The following SH3KBP1 variants were observed in gnomAD, a reference collection of about 807,000 sequenced individuals.
SH3KBP1 encodes SH3 domain-containing kinase-binding protein 1.
In SH3KBP1, 8 loss-of-function variants were observed where a neutral mutation model predicts 50.1. The ratio of observed to expected loss-of-function variants is 0.16; its 90% CI spans 0.09 to 0.29. The LOEUF (loss-of-function observed/expected upper bound fraction) is 0.29, where lower values mean the gene tolerates loss of function less well. SH3KBP1 is among the 10% of genes least tolerant of loss of function. The probability of loss-of-function intolerance (pLI) is 1.00; values close to 1 mark genes in which losing one functional copy is unlikely to be tolerated. For missense variants in SH3KBP1, 377 were observed against 535.2 expected (o/e 0.70, Z 2.92); for synonymous variants, 227 against 218.6 (o/e 1.04, Z -0.34).
At chrX:19,618,980 A>C (rs1185264804) in intron 8 of SH3KBP1, among the ~76,000 whole-genome samples, 7 of 103,351 alleles carry the variant, frequency 6.8e-5, no homozygotes, top group South Asian at 4.4e-4. Flanking sequence ...AAACGAACAA[A>C]AAAAAAAAAA....
At chrX:19,630,335 T>C (rs1197259182) in intron 8 of SH3KBP1, among the ~76,000 whole-genome samples, 1 of 112,488 alleles carries the variant, frequency 8.9e-6, no homozygotes, top group Non-Finnish European at 1.9e-5. Context: ...CCAAATTATC[T>C]GTGCTAATTA....
At chrX:19,886,266 A>G (rs1045785406) in intron 1 of SH3KBP1, among the ~76,000 whole-genome samples, 1 of 112,224 alleles carries the variant, frequency 8.9e-6, no homozygotes, top group Non-Finnish European at 1.9e-5. Context: ...TGACTAGTGT[A>G]CTGGAATCCT....
chrX:19,678,240 CAT>C (rs1241028377), intron 6 of SH3KBP1, among the ~76,000 whole-genome samples: 4 of 111,249 alleles, frequency 3.6e-5, no homozygotes. Context: ...CAAAATAAAA[CAT>C]AATCTATACA....
rs1556411513 is a variant in SH3KBP1 at position 19,838,098 on chromosome X, C to CAACAACAAA, written c.5-1817_5-1816insTTTGTTGTT. On this transcript the variant is annotated intron_variant, in intron 1 of 17. Transcript: ENST00000397821. Reference sequence around the variant, plus strand: ...ACAACAACAACAACAACAACAACAACAAACCAACTTCAATACACTGAGATA... The same window carrying CAACAACAAA: ...ACAACAACAACAACAACAACAACAACAACAACAAAAAACCAACTTCAATACACTGAGATA... 4.0e-4 allele frequency among the ~76,000 whole-genome samples: 43 copies of CAACAACAAA among 106,437 alleles called. 1 individual carries two copies. The highest frequency in any genetic ancestry group is 1.6e-3 in the African/African-American group (43 of 26,631). 92.4% of individuals were successfully genotyped at this position (106,437 alleles called of 115,157 possible).
chrX:19,703,696 C>CTGTGTGTGTGTGTG (rs56915755), intron 4 of SH3KBP1, among the ~76,000 whole-genome samples: 1 of 63,500 alleles, frequency 1.6e-5, no homozygotes, highest in Non-Finnish European at 3.0e-5. Context: ...AAAAGAGAAA[C>CTGTGTGTGTGTGTG]TGTGTGTGTG....
chrX:19,813,326 T>C (rs902093015), intron 2 of SH3KBP1, among the ~76,000 whole-genome samples: 3 of 98,766 alleles, frequency 3.0e-5, no homozygotes, highest in Admixed American at 1.1e-4. Flanking sequence ...TGCCCATTTC[T>C]TTTTTTTTTT....
intron 2 of SH3KBP1, among the ~76,000 whole-genome samples, chrX:19,814,622 A>ATCTC (rs2067302389): frequency 8.9e-6 from 1 of 111,781 alleles, no homozygotes; most frequent in South Asian, 3.7e-4. Flanking sequence ...AGATCCCCAC[A>ATCTC]AAGTTCTTCC....
At chrX:19,661,413 G>A (rs770290009) in intron 6 of SH3KBP1, among the ~76,000 whole-genome samples, 1 of 111,358 alleles carries the variant, frequency 9.0e-6, no homozygotes, top group African/African-American at 3.3e-5. Context: ...ACAAAGTTAT[G>A]TGTGTGGAAA....
At chrX:19,812,906 C>A (rs1439075201) in intron 2 of SH3KBP1, among the ~76,000 whole-genome samples, 2 of 110,366 alleles carry the variant, frequency 1.8e-5, no homozygotes, top group East Asian at 5.6e-4. Flanking sequence ...GCCCGGGAGG[C>A]GGAGGTTGCT....
chrX:19,550,113 C>T, intron 13 of SH3KBP1, 30 bp from the exon 14 acceptor site: 1 of 980,499 alleles, frequency 1.0e-6, no homozygotes, highest in Non-Finnish European at 1.5e-6. Context: ...GTTTTAAGAG[C>T]CAAAATAGGA....
chrX:19,582,851 T>C (rs1355049712), intron 12 of SH3KBP1, among the ~76,000 whole-genome samples: 5 of 111,642 alleles, frequency 4.5e-5, no homozygotes, highest in Admixed American at 1.9e-4. Flanking sequence ...TTGGGATGTC[T>C]GAGTTTGGGA....
At chrX:19,551,249 G>T in intron 13 of SH3KBP1, among the ~76,000 whole-genome samples, 1 of 111,865 alleles carries the variant, frequency 8.9e-6, no homozygotes, top group Middle Eastern at 4.7e-3. Context: ...GGCAAGGCAG[G>T]TATAACGAAA....
At chrX:19,730,317 G>T (rs775894023) in intron 3 of SH3KBP1, among the ~76,000 whole-genome samples, 6 of 111,902 alleles carry the variant, frequency 5.4e-5, no homozygotes, top group Non-Finnish European at 7.5e-5. Context: ...TTCCATAAAA[G>T]AAATAACTAT....
intron 11 of SH3KBP1, among the ~76,000 whole-genome samples, chrX:19,589,273 C>T (rs2066666751): frequency 8.9e-6 from 1 of 112,380 alleles, no homozygotes; most frequent in South Asian, 3.7e-4. Flanking sequence ...TGGTCATCTC[C>T]TCAGAGCTGT....
intron 8 of SH3KBP1, among the ~76,000 whole-genome samples, chrX:19,616,060 T>C (rs2067601008): frequency 9.0e-6 from 1 of 110,805 alleles, no homozygotes; most frequent in Non-Finnish European, 1.9e-5. Flanking sequence ...CCTCTCAGGC[T>C]CAAGCAATCC....
At chrX:19,773,345 A>T (rs761322235) in intron 2 of SH3KBP1, among the ~76,000 whole-genome samples, 2 of 111,240 alleles carry the variant, frequency 1.8e-5, no homozygotes, top group Admixed American at 1.9e-4. Context: ...AAAACCGTAA[A>T]TCCACAGGTT....
chrX:19,792,366 C>T (rs1318347654), intron 2 of SH3KBP1, among the ~76,000 whole-genome samples: 1 of 111,116 alleles, frequency 9.0e-6, no homozygotes, highest in Non-Finnish European at 1.9e-5. Context: ...ATGGTTATCT[C>T]GGCAGTAGGA....
chrX:19,561,225 A>G (rs989567574), intron 13 of SH3KBP1, among the ~76,000 whole-genome samples: 3 of 110,820 alleles, frequency 2.7e-5, no homozygotes, highest in South Asian at 3.8e-4. Flanking sequence ...TTCTGTCTCA[A>G]AGCCTAGTAT....
At chrX:19,684,315 G>A (rs2063121253) in intron 5 of SH3KBP1, among the ~76,000 whole-genome samples, 2 of 111,475 alleles carry the variant, frequency 1.8e-5, no homozygotes, top group East Asian at 5.6e-4. Context: ...CTCTTTAGCC[G>A]GGAGCCTGGT....
Sources: gnomAD v4.1 joint callset for allele counts (sites outside exome capture counted in the v4.1 genomes callset) on GRCh38, gnomAD v4.1.1 for gene constraint, MANE v1.5 for transcripts, NCBI Gene and HGNC (gene_info 2026-07-23, HGNC 2026-07-21) for gene names.